Variants in ADAMTS14 observed in about 807,000 individuals in gnomAD.
ADAMTS14 encodes the protein ADAM metallopeptidase with thrombospondin type 1 motif 14, also known as A disintegrin and metalloproteinase with thrombospondin motifs 14.
ADAMTS14 carries 100 observed loss-of-function variants against 128.6 expected under a neutral mutation model. The ratio of observed to expected loss-of-function variants is 0.78; its 90% CI spans 0.66 to 0.92. The LOEUF is 0.92. Among genes scored for constraint, ADAMTS14 ranks in the 40% least tolerant of loss-of-function variants. ADAMTS14 has a pLI of 0.00. For synonymous variants in ADAMTS14, 665 were observed against 653.8 expected, an observed-to-expected ratio of 1.02 and a Z score of -0.26; for missense variants, 1,562 against 1,658.6, an observed-to-expected ratio of 0.94 and a Z score of 1.01.
In ADAMTS14 at chr10:70,732,157, G is replaced by C. The variant is rs1418234204; in HGVS notation, c.1103-97G>C. On this transcript the variant is annotated intron_variant, in intron 6 of 21. Coordinates refer to ENST00000373207, the MANE Select transcript of ADAMTS14 (RefSeq NM_080722.4). ...TCCTCCAGGAACGTCCCCACTCCAA[G>C]CACTGACCAGAGGGCTGGGCTGGGC... 4 of 1,066,316 alleles carry C rather than the reference G, an allele frequency of 3.8e-6. No homozygotes were observed. In the Admixed American group the frequency reaches 7.8e-5, roughly 21 times the overall value. The allele number at this position is 1,066,316 out of a possible 1,614,324, so 66.1% of individuals were successfully genotyped here.
chr10:70,687,856 GC>G (rs1840028588), intron 2 of ADAMTS14, among the ~76,000 whole-genome samples: 1 of 69,738 alleles, frequency 1.4e-5, no homozygotes, highest in Non-Finnish European at 2.9e-5. Flanking sequence ...GGCTGGCCGG[GC>G]GGGGGGCTGA....
At position 70,761,542 on chromosome 10, in the gene ADAMTS14, A is replaced by C. The variant is rs1038076849; in HGVS notation, c.*689A>C. On this transcript the variant is annotated 3_prime_UTR_variant, in exon 22 of 22. Transcript: ENST00000373207. ...TGGCCTTGCAGATGTCACTAGTGTT[A>C]CTTCTAGTGACTCCAGATTACAGAC... is the stretch of plus-strand genomic sequence containing the variant. 1.3e-5 allele frequency: 2 copies of C among 152,114 alleles called. No individual in the cohort carries two copies. Among genetic ancestry groups the C allele is most frequent in the African/African-American group, 4.8e-5 (2 of 41,410 alleles). The allele number at this position is 152,114 out of a possible 1,614,324, so 9.4% of individuals were successfully genotyped here. A position where few individuals can be genotyped will look rare whatever the true frequency, so the allele number is the denominator to read the frequency against.
rs141188417 is a variant in ADAMTS14 at position 70,702,423 on chromosome 10, G to T, written c.634G>T (p.Val212Phe). The part of the protein sequence containing the change: ...RTHVVYRREA[V>F]QQEWAEPDGD... ...ACATGTGGTGTACCGCCGGGAGGCC[G>T]TCCAGCAGGAGTGGGCAGAACCTGA... The change falls in exon 3 of 22, where the codon GTC becomes TTC. Residue 212 changes from valine (V) to phenylalanine (F), a missense_variant. Transcript: ENST00000373207. 9.9e-6 allele frequency: 16 copies of T among 1,613,526 alleles called. No homozygotes were observed. Among genetic ancestry groups the T allele is most frequent in the Non-Finnish European group, 1.3e-5 (15 of 1,179,734 alleles).
In ADAMTS14 at chr10:70,751,603, G is replaced by A; in HGVS notation, c.2553G>A (p.Trp851Ter). 6.2e-6 allele frequency: 10 copies of A among 1,613,116 alleles called. No homozygotes were observed. The highest frequency in any genetic ancestry group is 8.5e-6 in the Non-Finnish European group (10 of 1,179,198). The change falls in exon 17 of 22, where the codon TGG (tryptophan) becomes TGA (stop). Residue 851 changes from tryptophan (W) to a stop codon, truncating the protein, a stop_gained. Transcript: ENST00000373207. LOFTEE classifies it high-confidence loss of function. ...VLLEEMDTYE[W>*]ALKSWAPCSK... ...TGGAGGAGATGGACACCTATGAGTG[G>A]GCGCTCAAGAGCTGGGCCCCCTGCA...
chr10:70,744,432 G>T (rs753867380), intron 14 of ADAMTS14, among the ~76,000 whole-genome samples: 1 of 152,222 alleles, frequency 6.6e-6, no homozygotes, highest in Non-Finnish European at 1.5e-5. Flanking sequence ...ACATTTTCCC[G>T]CTAGGTAAAG....
At chr10:70,741,202 G>A (rs770702176) in intron 12 of ADAMTS14, 40 bp downstream of exon 12, 2 of 1,599,792 alleles carry the variant, frequency 1.3e-6, no homozygotes, top group East Asian at 2.2e-5. Context: ...ATGTCCTTAG[G>A]CATCTGCGGG....
chr10:70,697,918 C>T (rs185440590), intron 2 of ADAMTS14, among the ~76,000 whole-genome samples: 26 of 152,330 alleles, frequency 1.7e-4, no homozygotes, highest in East Asian at 3.9e-4. Context: ...TCCCATCTTC[C>T]ACCCTCACCA....
rs574960305 is a variant in ADAMTS14 at position 70,751,474 on chromosome 10, T to C, written c.2428-4T>C. On this transcript the variant is annotated splice_polypyrimidine_tract_variant and splice_region_variant and intron_variant, in intron 16 of 21. Transcript: ENST00000373207. ...TCCTGTGCCAGCTCCCCATCTCCCC[T>C]CAGGCTCTCCCCCCAACTGAGGGTG... The C allele has an allele frequency of 1.3e-6, 2 of 1,599,846 alleles. No individual in the cohort carries two copies. The highest frequency in any genetic ancestry group is 3.3e-5 in the Admixed American group (2 of 59,794).
intron 2 of ADAMTS14, among the ~76,000 whole-genome samples, chr10:70,684,022 T>C (rs1839887463): frequency 6.6e-6 from 1 of 152,022 alleles, no homozygotes; most frequent in Non-Finnish European, 1.5e-5. Context: ...CAGCTCACAG[T>C]TCTGCAGGTT....
intron 5 of ADAMTS14, among the ~76,000 whole-genome samples, chr10:70,729,589 G>A (rs1173674225): frequency 2.0e-5 from 3 of 152,060 alleles, no homozygotes; most frequent in Non-Finnish European, 2.9e-5. Flanking sequence ...AGAAACTGAC[G>A]ATTCCACACC....
intron 1 of ADAMTS14, among the ~76,000 whole-genome samples, chr10:70,673,235 C>T (rs1253820481): frequency 6.6e-6 from 1 of 151,856 alleles, no homozygotes; most frequent in Non-Finnish European, 1.5e-5. Context: ...TCTTTTCTGT[C>T]TCCAACTTGT....
At chr10:70,719,822 T>C (rs1841196086) in intron 4 of ADAMTS14, among the ~76,000 whole-genome samples, 1 of 152,222 alleles carries the variant, frequency 6.6e-6, no homozygotes, top group Non-Finnish European at 1.5e-5. Flanking sequence ...CTGCAAGCTA[T>C]GTTTCCTCCA....
chr10:70,683,502 A>G (rs1839874278), intron 2 of ADAMTS14, among the ~76,000 whole-genome samples: 1 of 152,134 alleles, frequency 6.6e-6, no homozygotes, highest in Admixed American at 6.5e-5. Flanking sequence ...GAGGACACAG[A>G]GGGGCTGTGG....
intron 21 of ADAMTS14, among the ~76,000 whole-genome samples, chr10:70,758,813 TTCTC>T (rs1186245244): frequency 2.0e-5 from 3 of 152,162 alleles, no homozygotes; most frequent in African/African-American, 7.2e-5. Context: ...GCCTAGCAAT[TTCTC>T]TCAGCCCCAT....
chr10:70,713,790 G>T (rs1021879929), intron 4 of ADAMTS14, among the ~76,000 whole-genome samples: 1 of 152,188 alleles, frequency 6.6e-6, no homozygotes, highest in Admixed American at 6.5e-5. Flanking sequence ...AAGCAGCAAA[G>T]CATGCGGACA....
At chr10:70,759,777 T>C (rs1046248959) in intron 21 of ADAMTS14, among the ~76,000 whole-genome samples, 4 of 152,188 alleles carry the variant, frequency 2.6e-5, no homozygotes, top group Non-Finnish European at 2.9e-5. Context: ...TGACCCTGGC[T>C]GGAGTGGGGC....
chr10:70,744,845 G>A (rs1330810738), intron 14 of ADAMTS14, among the ~76,000 whole-genome samples: 2 of 152,130 alleles, frequency 1.3e-5, no homozygotes, highest in Non-Finnish European at 2.9e-5. Context: ...AGTCTTCATG[G>A]CCTTTATCAT....
At chr10:70,680,737 G>T (rs1032338113) in intron 2 of ADAMTS14, among the ~76,000 whole-genome samples, 4 of 152,192 alleles carry the variant, frequency 2.6e-5, no homozygotes, top group African/African-American at 9.7e-5. Context: ...CGCCTCCTGG[G>T]TTCAAGTGAT....
chr10:70,724,405 C>T lies in ADAMTS14; in HGVS notation c.871-4889C>T, dbSNP rs140583739. Among the ~76,000 whole-genome samples, 6 of 152,302 alleles carry T rather than the reference C, an allele frequency of 3.9e-5. No individual in the cohort carries two copies. In the East Asian group the frequency reaches 5.8e-4, roughly 15 times the overall value. On this transcript the variant is annotated intron_variant, in intron 4 of 21. Transcript: ENST00000373207. ...TCGTGCCCAACCATGGGAAGCGATC[C>T]GTGATCTCCCCTGAGCTAGCTCCCT...
Sources: gnomAD v4.1 joint callset for allele counts (sites outside exome capture counted in the v4.1 genomes callset) on GRCh38, gnomAD v4.1.1 for gene constraint, MANE v1.5 for transcripts, NCBI Gene and HGNC (gene_info 2026-07-23, HGNC 2026-07-21) for gene names.